The following METTL22 variants were observed in gnomAD, a reference collection of about 807,000 sequenced individuals.
METTL22 encodes methyltransferase 22, Kin17 lysine.
A neutral mutation model predicts 48.4 loss-of-function variants in METTL22; 51 were observed. That is an observed-to-expected ratio of 1.05 (90% confidence interval 0.84 to 1.33). The LOEUF (loss-of-function observed/expected upper bound fraction) is 1.33, where lower values mean the gene tolerates loss of function less well. Ranked by LOEUF, METTL22 falls within the 40% of genes most tolerant of loss-of-function variation. METTL22 has a pLI of 0.00. For missense variants in METTL22, 678 were observed against 526.9 expected (o/e 1.29, Z -2.81); for synonymous variants, 255 against 214.1 (o/e 1.19, Z -1.67).
chr16:8,651,689 A>G (rs1023511881), downstream of METTL22, among the ~76,000 whole-genome samples: 15 of 152,222 alleles, frequency 9.9e-5, no homozygotes, highest in African/African-American at 3.6e-4. Flanking sequence ...AGTCAAATGG[A>G]AAAAGCCTGA....
chr16:8,632,029 C>T (rs1434082802), intron 3 of METTL22: 1 of 152,278 alleles, frequency 6.6e-6, no homozygotes, highest in Non-Finnish European at 1.5e-5. Flanking sequence ...CATATTTACC[C>T]ATTCGAACAC....
At chr16:8,630,277 A>G (rs1193981654) in intron 3 of METTL22, among the ~76,000 whole-genome samples, 2 of 152,118 alleles carry the variant, frequency 1.3e-5, no homozygotes, top group Admixed American at 1.3e-4. Flanking sequence ...GCAACGTGGA[A>G]CTCATACCAG....
chr16:8,649,697 A>T (rs2056864794), downstream of METTL22: 1 of 152,044 alleles, frequency 6.6e-6, no homozygotes, highest in Admixed American at 6.6e-5. Context: ...CCAGCTACTT[A>T]GGAGGCTGAG....
intron 10 of METTL22, chr16:8,645,907 G>T: frequency 1.0e-6 from 1 of 962,118 alleles, no homozygotes; most frequent in South Asian, 3.6e-5. Flanking sequence ...CATCCATCCA[G>T]CCTCTCTGCC....
At chr16:8,625,439 A>ATAAAATGAATATAATGAG (rs2056013794) in intron 1 of METTL22, 57 bp from the exon 2 acceptor site, 1 of 377,872 alleles carries the variant, frequency 2.6e-6, no homozygotes. Context: ...ATGAATGAAT[A>ATAAAATGAATATAATGAG]TAAAATGAAT....
intron 9 of METTL22, chr16:8,642,844 A>G: frequency 2.0e-6 from 1 of 496,726 alleles, no homozygotes; most frequent in Non-Finnish European, 3.7e-6. Context: ...TTAGTGATAG[A>G]CAAGGACTTG....
chr16:8,642,917 T>G, intron 9 of METTL22: 1 of 256,036 alleles, frequency 3.9e-6, no homozygotes. Context: ...CTTCTCTTCC[T>G]GAATGTTCTC....
the METTL22 span, among the ~76,000 whole-genome samples, chr16:8,665,779 C>T: frequency 6.6e-6 from 1 of 152,278 alleles, no homozygotes; most frequent in East Asian, 1.9e-4. Context: ...GCTTCCTGGC[C>T]AGGCGGAGAC....
chr16:8,634,068 A>G (rs1232670719), intron 3 of METTL22, among the ~76,000 whole-genome samples: 1 of 152,232 alleles, frequency 6.6e-6, no homozygotes, highest in Non-Finnish European at 1.5e-5. Flanking sequence ...TGTTTTATTA[A>G]AAGTGCCTTG....
intron 7 of METTL22, 59 bp downstream of exon 7, chr16:8,641,243 A>C (rs1019847495): frequency 6.4e-7 from 1 of 1,553,672 alleles, no homozygotes; most frequent in African/African-American, 1.4e-5. Context: ...GTAATACCTC[A>C]GTGCCCCTGG....
intron 3 of METTL22, among the ~76,000 whole-genome samples, chr16:8,630,258 C>A (rs147164778): frequency 6.6e-6 from 1 of 152,282 alleles, no homozygotes; most frequent in East Asian, 1.9e-4. Context: ...CTAGACTGTC[C>A]CAGAGAGGGC....
the METTL22 span, chr16:8,667,183 T>G: frequency 6.6e-6 from 1 of 152,124 alleles, no homozygotes; most frequent in Non-Finnish European, 1.5e-5. Context: ...GCTTTCTCAG[T>G]GGGGAAGAGT....
the METTL22 span, among the ~76,000 whole-genome samples, chr16:8,665,731 C>G: frequency 6.6e-6 from 1 of 152,166 alleles, no homozygotes; most frequent in Admixed American, 6.5e-5. Context: ...ATACCTGGCA[C>G]CAGAAGACCA....
At chr16:8,632,099 G>C (rs2056282818) in intron 3 of METTL22, 1 of 152,180 alleles carries the variant, frequency 6.6e-6, no homozygotes, top group Admixed American at 6.5e-5. Context: ...GCACTCCGGA[G>C]TCGAGGATGT....
At position 8,635,176 on chromosome 16, in the gene METTL22, G is replaced by T; in HGVS notation, c.564G>T (p.Arg188=). ...TGTCCTCTTCCCTCCAGGTGTGGCG[G>T]GGCGCCCTGCTCCTGGCAGACTACA... is the stretch of plus-strand genomic sequence containing the variant. ...PLEDVGKQVW[R]GALLLADYIL... is the part of the protein sequence containing the mutation. The change falls in exon 5 of 11, where the codon CGG becomes CGT. Residue 188 remains arginine (R), a synonymous_variant. Transcript: ENST00000381920. 6.2e-7 allele frequency: 1 copy of T among 1,611,312 alleles called. No homozygotes were observed. The highest frequency in any genetic ancestry group is 8.5e-7 in the Non-Finnish European group (1 of 1,178,398).
chr16:8,627,293 G>C (rs542829912), intron 2 of METTL22, among the ~76,000 whole-genome samples: 1 of 152,084 alleles, frequency 6.6e-6, no homozygotes, highest in African/African-American at 2.4e-5. Context: ...GCCTCTGCTT[G>C]TGTGCCTACC....
intron 5 of METTL22, 46 bp from the exon 6 acceptor site, chr16:8,639,045 G>A (rs1279846569): frequency 1.3e-6 from 2 of 1,597,174 alleles, no homozygotes; most frequent in Non-Finnish European, 1.7e-6. Flanking sequence ...GGAGATAAAA[G>A]TGTCGTAGTG....
intron 3 of METTL22, among the ~76,000 whole-genome samples, chr16:8,633,584 T>C (rs572470445): frequency 3.2e-4 from 48 of 152,318 alleles, no homozygotes; most frequent in Admixed American, 1.5e-3. Context: ...CCAGCGTAGA[T>C]GACAGAGTGA....
At position 8,639,128 on chromosome 16, in the gene METTL22, CAT is replaced by C. The variant is rs2056513837; in HGVS notation, c.739_740del (p.Ile247CysfsTer15). On this transcript the variant is annotated frameshift_variant, in exon 6 of 11. Coordinates refer to ENST00000381920, the MANE Select transcript of METTL22 (RefSeq NM_024109.4). LOFTEE classifies it high-confidence loss of function. ...ATCTCTTGTCCATGTGCCAGCGAAA[CAT>C]TGCCCTCAACAGCCACCTGGCTGCC... ...ADLLSMCQRN[I>X]ALNSHLAATG... 6.2e-7 allele frequency: 1 copy of C among 1,613,782 alleles called. No homozygotes were observed. The highest frequency in any genetic ancestry group is 8.5e-7 in the Non-Finnish European group (1 of 1,180,002).
Sources: allele counts gnomAD v4.1 joint callset (sites outside exome capture counted in the v4.1 genomes callset), GRCh38; gene constraint gnomAD v4.1.1; transcripts MANE v1.5; gene names NCBI Gene and HGNC (gene_info 2026-07-23, HGNC 2026-07-21).